Variants in RBFOX1 observed in about 807,000 individuals in gnomAD.
RBFOX1 encodes the protein RNA binding protein fox-1 homolog 1.
In RBFOX1, 8 loss-of-function variants were observed where a neutral mutation model predicts 57.7. That is an observed-to-expected ratio of 0.14 (90% CI 0.08 to 0.25). RBFOX1 has a LOEUF of 0.25. Ranked by LOEUF, RBFOX1 falls within the 10% of genes least tolerant of loss-of-function variation. The pLI is 1.00. For synonymous variants in RBFOX1, 326 were observed against 222.4 expected (o/e 1.47, Z -4.15); for missense variants, 611 against 548.5 (o/e 1.11, Z -1.14).
chr16:6,998,674 A>T (rs1416015506), intron 3 of RBFOX1, among the ~76,000 whole-genome samples: 3 of 152,228 alleles, frequency 2.0e-5, no homozygotes, highest in African/African-American at 4.8e-5. Context: ...TTTCCCTCAG[A>T]CTATTCCAAG....
intron 3 of RBFOX1, among the ~76,000 whole-genome samples, chr16:6,787,092 G>A (rs1032456480): frequency 6.6e-6 from 1 of 152,076 alleles, no homozygotes; most frequent in African/African-American, 2.4e-5. Flanking sequence ...CTCATAGATT[G>A]TACCTTCACC....
chr16:5,648,208 T>C (rs940979937), intron 3 of RBFOX1, among the ~76,000 whole-genome samples: 5 of 151,640 alleles, frequency 3.3e-5, no homozygotes, highest in Admixed American at 2.6e-4. Context: ...ATACATACGA[T>C]ATGCAGGAGG....
chr16:6,483,199 C>G (rs1254668164), intron 2 of RBFOX1: 7 of 1,187,808 alleles, frequency 5.9e-6, no homozygotes, highest in African/African-American at 1.6e-5. Flanking sequence ...GGACAGAGGC[C>G]GAGGCCGGCC....
chr16:5,457,362 T>C, intron 1 of RBFOX1, among the ~76,000 whole-genome samples: 1 of 152,128 alleles, frequency 6.6e-6, no homozygotes, highest in East Asian at 1.9e-4. Flanking sequence ...CTCGAACTTC[T>C]GACCTCAGGT....
chr16:6,955,351 C>CACACAG (rs2081569288), intron 3 of RBFOX1, among the ~76,000 whole-genome samples: 1 of 100,000 alleles, frequency 1.0e-5, no homozygotes, highest in South Asian at 3.5e-4. Context: ...CACATATGCA[C>CACACAG]ACACACACAC....
At chr16:5,313,493 T>TA (rs1203520918) in intron 1 of RBFOX1, among the ~76,000 whole-genome samples, 3 of 152,094 alleles carry the variant, frequency 2.0e-5, no homozygotes, top group African/African-American at 7.2e-5. Context: ...ACCCATGACT[T>TA]ACAAGAAGAC....
chr16:7,616,474 G>C (rs1417098843), intron 10 of RBFOX1, among the ~76,000 whole-genome samples: 1 of 152,234 alleles, frequency 6.6e-6, no homozygotes, highest in Non-Finnish European at 1.5e-5. Flanking sequence ...ATGGAGGTGT[G>C]AGGAACAGGA....
At chr16:6,276,298 C>A (rs889280487) in intron 1 of RBFOX1, among the ~76,000 whole-genome samples, 4 of 152,156 alleles carry the variant, frequency 2.6e-5, no homozygotes, top group African/African-American at 9.7e-5. Context: ...GTCCTCCCAG[C>A]TTGGGGCACA....
intron 2 of RBFOX1, among the ~76,000 whole-genome samples, chr16:6,559,487 A>AT (rs553354258): frequency 5.3e-4 from 80 of 152,154 alleles, no homozygotes; most frequent in African/African-American, 1.9e-3. Context: ...TGAACTATGC[A>AT]TTTTTTGAGA....
intron 2 of RBFOX1, among the ~76,000 whole-genome samples, chr16:6,345,956 C>G (rs1020044140): frequency 2.0e-5 from 3 of 152,140 alleles, no homozygotes; most frequent in African/African-American, 7.2e-5. Flanking sequence ...CAGGAAGACT[C>G]AAAGCGGGGA....
chr16:5,922,968 G>A (rs1302205014), intron 4 of RBFOX1, among the ~76,000 whole-genome samples: 1 of 152,176 alleles, frequency 6.6e-6, no homozygotes, highest in Non-Finnish European at 1.5e-5. Flanking sequence ...CCCAAGTTGA[G>A]CAGAGGATGT....
intron 3 of RBFOX1, among the ~76,000 whole-genome samples, chr16:5,800,465 G>C (rs1470502327): frequency 1.3e-5 from 2 of 152,184 alleles, no homozygotes; most frequent in Non-Finnish European, 2.9e-5. Flanking sequence ...ACGCCCTTGA[G>C]CTTAGGCCAG....
At position 6,213,789 on chromosome 16, in the gene RBFOX1, C is replaced by A. The variant is rs60022119; in HGVS notation, c.-126-103206C>A. Among the ~76,000 whole-genome samples the A allele has an allele frequency of 5.7e-3, 869 of 152,318 alleles. 6 individuals are homozygous for A. The highest frequency in any genetic ancestry group is 0.019 in the African/African-American group (801 of 41,570). On this transcript the variant is annotated intron_variant, in intron 1 of 15. Transcript: ENST00000550418. ...CGAAAGCGCATTCACCATGCTCAGT[C>A]TCTCACTCTAAGCCAGGGTTCTCAA...
intron 3 of RBFOX1, among the ~76,000 whole-genome samples, chr16:5,713,520 A>AG (rs2051571956): frequency 6.6e-6 from 1 of 152,140 alleles, no homozygotes; most frequent in Non-Finnish European, 1.5e-5. Context: ...TTTGTTCCTA[A>AG]GGAGGGTATC....
At chr16:6,996,133 C>G (rs540983753) in intron 3 of RBFOX1, among the ~76,000 whole-genome samples, 1 of 152,316 alleles carries the variant, frequency 6.6e-6, no homozygotes, top group South Asian at 2.1e-4. Flanking sequence ...TTATTGTATC[C>G]TAATTATCTG....
chr16:7,635,592 T>C (rs1290521747), intron 11 of RBFOX1, among the ~76,000 whole-genome samples: 1 of 152,154 alleles, frequency 6.6e-6, no homozygotes, highest in Non-Finnish European at 1.5e-5. Context: ...CGGTGTGTTA[T>C]TAGTTTGACT....
chr16:7,433,390 A>C (rs1480159065), intron 4 of RBFOX1, among the ~76,000 whole-genome samples: 4 of 152,176 alleles, frequency 2.6e-5, no homozygotes, highest in Non-Finnish European at 5.9e-5. Flanking sequence ...GTCATCATAG[A>C]GACATGGCAT....
intron 4 of RBFOX1, among the ~76,000 whole-genome samples, chr16:7,290,876 G>C (rs539947343): frequency 6.6e-6 from 1 of 152,090 alleles, no homozygotes; most frequent in Non-Finnish European, 1.5e-5. Context: ...TAGTATTATC[G>C]GTATGTACCC....
At chr16:5,814,183 A>T (rs891386835) in intron 3 of RBFOX1, among the ~76,000 whole-genome samples, 1 of 152,124 alleles carries the variant, frequency 6.6e-6, no homozygotes, top group Non-Finnish European at 1.5e-5. Context: ...TGTGCTGCCC[A>T]CATCCCTTGG....
Sources: allele counts gnomAD v4.1 joint callset (sites outside exome capture counted in the v4.1 genomes callset), GRCh38; gene constraint gnomAD v4.1.1; transcripts MANE v1.5; gene names NCBI Gene and HGNC (gene_info 2026-07-23, HGNC 2026-07-21).